LAMA1: variants seen among roughly 807,000 people sequenced by gnomAD.
LAMA1 encodes laminin subunit alpha 1.
In LAMA1, 219 loss-of-function variants were observed where a neutral mutation model predicts 348.7. The ratio of observed to expected loss-of-function variants is 0.63; its 90% confidence interval spans 0.56 to 0.70. The LOEUF (loss-of-function observed/expected upper bound fraction) is 0.70, where lower values mean the gene tolerates loss of function less well. LAMA1 is among the 30% of genes least tolerant of loss of function. The pLI is 0.00. For synonymous variants in LAMA1, 1,487 were observed against 1,491.0 expected (o/e 1.00, Z 0.06); for missense variants, 3,744 against 3,888.0 (o/e 0.96, Z 0.99).
chr18:6,961,877 T>C (rs2057609630), intron 52 of LAMA1, 68 bp downstream of exon 52: 1 of 1,562,138 alleles, frequency 6.4e-7, no homozygotes, highest in Non-Finnish European at 8.8e-7. Flanking sequence ...GTTTGTTGTG[T>C]TATGATGTTG....
At chr18:7,081,307 C>CA (rs2058192513) in intron 1 of LAMA1, among the ~76,000 whole-genome samples, 1 of 152,162 alleles carries the variant, frequency 6.6e-6, no homozygotes, top group South Asian at 2.1e-4. Flanking sequence ...TTTATCAATG[C>CA]AATCCAAACG....
At chr18:6,973,853 TCACTGCAGCCTTGAC>T (rs1269411943) in intron 46 of LAMA1, among the ~76,000 whole-genome samples, 1 of 152,224 alleles carries the variant, frequency 6.6e-6, no homozygotes, top group Non-Finnish European at 1.5e-5. Flanking sequence ...TGATCATTGC[TCACTGCAGCCTTGAC>T]CTCCTGTGCT....
chr18:6,988,807 A>T (rs1195536748), intron 36 of LAMA1, among the ~76,000 whole-genome samples: 1 of 143,550 alleles, frequency 7.0e-6, no homozygotes, highest in Non-Finnish European at 1.5e-5. Flanking sequence ...CTCCGTCTCA[A>T]TAAAAAAAAA....
In LAMA1 at chr18:7,009,326, A is replaced by G. The variant is rs1289387985; in HGVS notation, c.3914T>C (p.Val1305Ala). The change falls in exon 27 of 63, where the codon GTC becomes GCC. Residue 1305 changes from valine (V) to alanine (A), a missense_variant. Around this residue, in one of 3 missense-constraint regions of LAMA1, gnomAD observed 1,983 missense variants for 1,934.3 expected, o/e 1.03. Coordinates refer to ENST00000389658, the MANE Select transcript of LAMA1 (RefSeq NM_005559.4). Reference sequence around the variant, plus strand: ...GACAGACATAAAATCCTCTCGCGTGACAGGTTTTTCAGAAACAGAGTTAAA... The same window carrying G: ...GACAGACATAAAATCCTCTCGCGTGGCAGGTTTTTCAGAAACAGAGTTAAA... ...KYFNSVSEKPVTREDFMSVLS... is the reference protein window; with the variant it reads ...KYFNSVSEKPATREDFMSVLS... 1 of 1,614,066 alleles carries G rather than the reference A, an allele frequency of 6.2e-7. No individual in the cohort carries two copies. Among genetic ancestry groups the G allele is most frequent in the Admixed American group, 1.7e-5 (1 of 60,012 alleles).
intron 58 of LAMA1, among the ~76,000 whole-genome samples, chr18:6,950,482 G>A (rs901754653): frequency 7.2e-5 from 11 of 152,198 alleles, no homozygotes; most frequent in African/African-American, 2.7e-4. Flanking sequence ...AATGCCATGA[G>A]GGGAGGCTAG....
chr18:7,114,096 A>AAAAGGG (rs2143841528), intron 1 of LAMA1, among the ~76,000 whole-genome samples: 1 of 152,084 alleles, frequency 6.6e-6, no homozygotes, highest in Non-Finnish European at 1.5e-5. Context: ...AAAAAAAGAA[A>AAAAGGG]AAAGGGAAAG....
intron 12 of LAMA1, among the ~76,000 whole-genome samples, 170 bp downstream of exon 12, chr18:7,037,408 C>A (rs1158921976): frequency 6.6e-6 from 1 of 152,204 alleles, no homozygotes; most frequent in African/African-American, 2.4e-5. Flanking sequence ...TAAAGTCTAA[C>A]AAGGCTAGAA....
intron 1 of LAMA1, among the ~76,000 whole-genome samples, chr18:7,098,842 G>A (rs1480204677): frequency 7.8e-6 from 1 of 127,550 alleles, no homozygotes; most frequent in Non-Finnish European, 1.7e-5. Flanking sequence ...CGGGAGGGAG[G>A]TGGGGGGGTC....
chr18:6,948,369 G>A (rs190019205), intron 60 of LAMA1, 34 bp downstream of exon 60: 135 of 1,613,772 alleles, frequency 8.4e-5, no homozygotes, highest in Middle Eastern at 1.6e-4. Flanking sequence ...AGACTCATTC[G>A]GGGACTGCCT....
intron 3 of LAMA1, among the ~76,000 whole-genome samples, chr18:7,073,979 C>A (rs1204005002): frequency 6.6e-6 from 1 of 152,162 alleles, no homozygotes; most frequent in East Asian, 1.9e-4. Flanking sequence ...GGATTATAGG[C>A]ATTGGCCACC....
rs28693833 is a variant in LAMA1, at chr18:7,045,194, G to A, written c.859-355C>T. On this transcript the variant is annotated intron_variant, in intron 6 of 62. Coordinates refer to ENST00000389658, the MANE Select transcript of LAMA1 (RefSeq NM_005559.4). The stretch of plus-strand genomic sequence containing the variant: ...TCGATAACAGAATAGTCCTATTCAA[G>A]AGGTAAAGAATTACAAAGATTAGAA... Among the ~76,000 whole-genome samples the A allele has an allele frequency of 7.9e-3, 1,210 of 152,222 alleles. 14 individuals are homozygous for A. Among genetic ancestry groups the A allele is most frequent in the African/African-American group, 0.025 (1,048 of 41,544 alleles).
intron 3 of LAMA1, among the ~76,000 whole-genome samples, chr18:7,061,129 G>A (rs2058100509): frequency 1.3e-5 from 2 of 152,192 alleles, no homozygotes; most frequent in South Asian, 2.1e-4. Flanking sequence ...CTGCACTCCA[G>A]CCTGGATGAC....
chr18:6,958,858 G>T (rs940288890), intron 54 of LAMA1, among the ~76,000 whole-genome samples, 196 bp from the exon 55 acceptor site: 24 of 151,964 alleles, frequency 1.6e-4, no homozygotes, highest in Admixed American at 1.6e-3. Context: ...TTTCAGAAAC[G>T]AATGGAATGT....
intron 11 of LAMA1, chr18:7,038,589 A>G (rs944606473): frequency 1.5e-6 from 1 of 649,576 alleles, no homozygotes; most frequent in Non-Finnish European, 2.7e-6. Context: ...GTGCCACATC[A>G]TCCTGTTTTT....
In LAMA1 at chr18:7,037,658, T is replaced by C. The variant is rs779373140; in HGVS notation, c.1657A>G (p.Ser553Gly). The C allele has an allele frequency of 6.2e-6, 10 of 1,614,170 alleles. No individual in the cohort carries two copies. Among genetic ancestry groups the C allele is most frequent in the Non-Finnish European group, 8.5e-6 (10 of 1,180,034 alleles). Residue 553 changes from serine (S) to glycine (G), a missense_variant, in exon 12 of 63, where the codon AGC (serine) becomes GGC (glycine). Physicochemically the swap from Ser to Gly is moderately conservative, Grantham distance 56. This residue lies in a region of LAMA1 where 1,529 missense variants were observed against 1,689.4 expected (regional missense o/e 0.91). Transcript: ENST00000389658. ...TGCATGACCGCGGTGTTGTTGATGC[T>C]GACCTGATGGCGCCCGCCTAGTGCA... ...QDALGGRHQVSINNTAVMQRL... is the reference protein window; with the variant it reads ...QDALGGRHQVGINNTAVMQRL...
chr18:7,000,620 T>C (rs547999513), intron 30 of LAMA1, among the ~76,000 whole-genome samples: 1 of 152,302 alleles, frequency 6.6e-6, no homozygotes, highest in Admixed American at 6.5e-5. Context: ...TCTGCTTTTG[T>C]TTTACTCCTT....
rs1241487391 is a variant in LAMA1 at position 6,999,928 on chromosome 18, T to C, written c.4452A>G (p.Glu1484=). 8 of 1,614,170 alleles carry C rather than the reference T, an allele frequency of 5.0e-6. No individual in the cohort carries two copies. The highest frequency in any genetic ancestry group is 6.8e-6 in the Non-Finnish European group (8 of 1,179,990). The change falls in exon 31 of 63, where the codon GAA becomes GAG. Residue 1484 remains glutamate, a synonymous_variant. Transcript: ENST00000389658. ...CCATGTACCTTTCACAGTGTTTTCC[T>C]TCATAGCCCAGGAGACAGGCGTCAC... The part of the protein sequence containing the change: ...FRCDACLLGY[E]GKHCERCSSS...
chr18:6,956,925 C>T, intron 55 of LAMA1, 160 bp from the exon 56 acceptor site: 1 of 740,852 alleles, frequency 1.3e-6, no homozygotes, highest in African/African-American at 1.7e-5. Flanking sequence ...ACTCAGAGTC[C>T]AAACATGCTA....
chr18:6,990,510 G>C (rs569313805), intron 36 of LAMA1, among the ~76,000 whole-genome samples: 1 of 152,178 alleles, frequency 6.6e-6, no homozygotes, highest in African/African-American at 2.4e-5. Flanking sequence ...GGCAGGTCCT[G>C]GGAAGCCCTG....
Sources: allele counts gnomAD v4.1 joint callset (sites outside exome capture counted in the v4.1 genomes callset), GRCh38; gene constraint gnomAD v4.1.1; regional missense constraint gnomAD v4.1.1; transcripts MANE v1.5; gene names NCBI Gene and HGNC (gene_info 2026-07-23, HGNC 2026-07-21).